GNE: variants seen among roughly 807,000 people sequenced by gnomAD.
The protein encoded by GNE is bifunctional UDP-N-acetylglucosamine 2-epimerase/N-acetylmannosamine kinase.
In GNE, 41 loss-of-function variants were observed where a neutral mutation model predicts 61.8. That is an observed-to-expected ratio of 0.66 (90% CI 0.52 to 0.86). The LOEUF (loss-of-function observed/expected upper bound fraction) is 0.86, where lower values mean the gene tolerates loss of function less well. Among genes scored for constraint, GNE ranks in the 40% least tolerant of loss-of-function variants. The pLI is 0.00. For synonymous variants in GNE, 264 were observed against 326.4 expected, an observed-to-expected ratio of 0.81 and a Z score of 2.06; for missense variants, 608 against 909.1, an observed-to-expected ratio of 0.67 and a Z score of 4.26.
chr9:36,247,362 TTTTC>T (rs1366153637), intron 2 of GNE, among the ~76,000 whole-genome samples: 1 of 152,106 alleles, frequency 6.6e-6, no homozygotes, highest in Non-Finnish European at 1.5e-5. Context: ...GCCAAACCTT[TTTTC>T]TTTAAGAAAA....
intron 6 of GNE, 37 bp downstream of exon 6, chr9:36,228,984 C>T (rs528707783): frequency 2.6e-6 from 3 of 1,162,972 alleles, no homozygotes; most frequent in Admixed American, 3.4e-5. Flanking sequence ...GGTAGCTCCC[C>T]TTTTAAATCA....
At chr9:36,233,219 T>C (rs1829247902) in intron 5 of GNE, among the ~76,000 whole-genome samples, 1 of 152,204 alleles carries the variant, frequency 6.6e-6, no homozygotes, top group African/African-American at 2.4e-5. Context: ...ATCCTACTTA[T>C]ACTTAAGGGG....
chr9:36,257,749 G>A (rs1830427835), intron 1 of GNE, among the ~76,000 whole-genome samples: 1 of 131,918 alleles, frequency 7.6e-6, no homozygotes, highest in Non-Finnish European at 1.5e-5. Context: ...CTTGCAGTGA[G>A]CCGAGATCGC....
At chr9:36,222,685 G>T in intron 9 of GNE, 92 bp downstream of exon 9, 1 of 908,390 alleles carries the variant, frequency 1.1e-6, no homozygotes, top group Non-Finnish European at 1.9e-6. Flanking sequence ...GGAAGTGAAG[G>T]CTAAGGCAGA....
upstream of GNE, among the ~76,000 whole-genome samples, chr9:36,258,987 A>G (rs1830519588): frequency 6.6e-6 from 1 of 152,216 alleles, no homozygotes; most frequent in African/African-American, 2.4e-5. Context: ...CCTCCACTAC[A>G]GGGAACTCCC....
intron 1 of GNE, among the ~76,000 whole-genome samples, chr9:36,250,020 A>G (rs1259421135): frequency 6.6e-6 from 1 of 152,182 alleles, no homozygotes; most frequent in African/African-American, 2.4e-5. Context: ...GTGAGGAAAT[A>G]TCAGCTCTTT....
intron 4 of GNE, 128 bp from the exon 5 acceptor site, chr9:36,234,260 A>C: frequency 1.3e-6 from 1 of 751,072 alleles, no homozygotes; most frequent in Non-Finnish European, 2.4e-6. Context: ...GGGAAATAGT[A>C]ATTTTAACTA....
intron 3 of GNE, among the ~76,000 whole-genome samples, chr9:36,240,751 G>A (rs534482782): frequency 1.3e-5 from 2 of 152,172 alleles, no homozygotes; most frequent in South Asian, 4.1e-4. Flanking sequence ...TGAATGTCTG[G>A]TAGAATTCTG....
intron 11 of GNE, 147 bp from the exon 12 acceptor site, chr9:36,217,747 G>C (rs1486589743): frequency 1.5e-6 from 1 of 688,442 alleles, no homozygotes; most frequent in Admixed American, 2.2e-5. Context: ...GCAGTTCACG[G>C]TTGATTCTTA....
intron 1 of GNE, among the ~76,000 whole-genome samples, chr9:36,273,217 A>G (rs1283407263): frequency 9.1e-6 from 1 of 109,546 alleles, no homozygotes; most frequent in Non-Finnish European, 2.2e-5. Flanking sequence ...TATGCACTCC[A>G]TAAATTTTTT....
chr9:36,274,068 C>CTGTGTGTGTGTG lies in GNE; in HGVS notation c.51+2814_51+2825dup, dbSNP rs71336439. 1.5e-3 allele frequency among the ~76,000 whole-genome samples: 216 copies of CTGTGTGTGTGTG among 142,314 alleles called. 1 individual carries two copies. The highest frequency in any genetic ancestry group is 5.5e-3 in the African/African-American group (208 of 37,540). 93.4% of individuals were successfully genotyped at this position (142,314 alleles called of 152,430 possible). A position where few individuals can be genotyped will look rare whatever the true frequency, so the allele number is the denominator to read the frequency against. ...AACCCAGGTGCTTCGGTCTATGGTA[C>CTGTGTGTGTGTG]TGTGTGTGTGTGTGTGTGTGTGTGT... On this transcript the variant is annotated intron_variant, in intron 1 of 11. Transcript: ENST00000396594.
At chr9:36,219,615 G>A (rs1412185343) in intron 10 of GNE, among the ~76,000 whole-genome samples, 2 of 152,152 alleles carry the variant, frequency 1.3e-5, no homozygotes, top group Non-Finnish European at 2.9e-5. Flanking sequence ...CTGCTGTCTT[G>A]GAACTCTAGA....
At chr9:36,248,143 G>A (rs1829976298) in intron 2 of GNE, among the ~76,000 whole-genome samples, 1 of 151,810 alleles carries the variant, frequency 6.6e-6, no homozygotes. Flanking sequence ...AGAATAGTCT[G>A]AAAAGGACAA....
intron 7 of GNE, among the ~76,000 whole-genome samples, chr9:36,225,785 A>AT (rs1554659409): frequency 2.0e-5 from 3 of 152,074 alleles, no homozygotes; most frequent in Non-Finnish European, 2.9e-5. Context: ...CTAAAAAAAA[A>AT]TTTTTTTAAA....
chr9:36,270,657 G>A (rs980600725), intron 1 of GNE, among the ~76,000 whole-genome samples: 3 of 151,980 alleles, frequency 2.0e-5, no homozygotes, highest in African/African-American at 4.8e-5. Context: ...AGCTGGGACT[G>A]CAGGCGCCCG....
At chr9:36,265,093 C>G in intron 1 of GNE, 1 of 308,992 alleles carries the variant, frequency 3.2e-6, no homozygotes, top group Non-Finnish European at 6.3e-6. Context: ...TGCTGTGCTC[C>G]TGATCCAGCG....
intron 3 of GNE, among the ~76,000 whole-genome samples, chr9:36,241,810 A>G (rs1829637504): frequency 6.6e-6 from 1 of 152,090 alleles, no homozygotes; most frequent in Non-Finnish European, 1.5e-5. Context: ...ACCCAACCCT[A>G]TCTTCCTGTA....
Position 36,215,624 on chromosome 9 carries a change from A to G in GNE, c.*1741T>C, listed in dbSNP as rs1828238645. 1 of 152,218 alleles carries G rather than the reference A, an allele frequency of 6.6e-6. No individual in the cohort carries two copies. The highest frequency in any genetic ancestry group is 1.5e-5 in the Non-Finnish European group (1 of 68,052). The allele number at this position is 152,218 out of a possible 1,614,324, so 9.4% of individuals were successfully genotyped here. On this transcript the variant is annotated 3_prime_UTR_variant, in exon 12 of 12. Coordinates refer to ENST00000642385, the MANE Select transcript of GNE (RefSeq NM_005476.7). ...AGTTCTATAAAATAAAAATTAAAAC[A>G]CCTACCTCATATGTTGAGATAATTT...
At chr9:36,257,406 C>G (rs2133160309) in intron 1 of GNE, among the ~76,000 whole-genome samples, 1 of 152,278 alleles carries the variant, frequency 6.6e-6, no homozygotes, top group South Asian at 2.1e-4. Flanking sequence ...GGCGCTCCTA[C>G]AGTTGGGTTA....
Sources: gnomAD v4.1 joint callset for allele counts (sites outside exome capture counted in the v4.1 genomes callset) on GRCh38, gnomAD v4.1.1 for gene constraint, MANE v1.5 for transcripts, NCBI Gene and HGNC (gene_info 2026-07-23, HGNC 2026-07-21) for gene names.